Variants in PCDHGA5 observed in about 807,000 individuals in gnomAD.
The protein encoded by PCDHGA5 is protocadherin gamma-A5.
In PCDHGA5, 36 loss-of-function variants were observed where a neutral mutation model predicts 56.7. The ratio of observed to expected loss-of-function variants is 0.64; its 90% CI spans 0.49 to 0.84. The LOEUF (loss-of-function observed/expected upper bound fraction) is 0.84, where lower values mean the gene tolerates loss of function less well. Ranked by LOEUF, PCDHGA5 falls within the 40% of genes least tolerant of loss-of-function variation. The pLI, the probability that PCDHGA5 is intolerant of heterozygous loss-of-function variation, is 0.00. For synonymous variants in PCDHGA5, 563 were observed against 520.2 expected (o/e 1.08, Z -1.12); for missense variants, 1,305 against 1,201.5 (o/e 1.09, Z -1.27).
At chr5:141,415,772 T>TTTTTTTTG in intron 1 of PCDHGA5, 1 of 1,332,986 alleles carries the variant, frequency 7.5e-7, no homozygotes. Context: ...TTTTTTTTTT[T>TTTTTTTTG]ACTTTCTGGT....
rs2099883868 is a variant in PCDHGA5 at position 141,511,590 on chromosome 5, A to G, written c.*417A>G. On this transcript the variant is annotated 3_prime_UTR_variant, in exon 4 of 4. Transcript: ENST00000518069. The stretch of plus-strand genomic sequence containing the variant: ...AGTAAGGTGGTTGGGGTGTTGAAGT[A>G]CCAAGTAACCTACAAGCCTCCTAGT... 3.7e-6 allele frequency: 1 copy of G among 267,908 alleles called. No individual in the cohort carries two copies. The highest frequency in any genetic ancestry group is 7.4e-6 in the Non-Finnish European group (1 of 135,038). 16.6% of individuals were successfully genotyped at this position (267,908 alleles called of 1,614,324 possible). A position where few individuals can be genotyped will look rare whatever the true frequency, so the allele number is the denominator to read the frequency against.
intron 1 of PCDHGA5, chr5:141,404,626 T>C (rs1443011566): frequency 1.2e-6 from 2 of 1,614,164 alleles, no homozygotes; most frequent in Admixed American, 3.3e-5. Flanking sequence ...AGAATGACAA[T>C]GCCCCAGAAA....
intron 1 of PCDHGA5, among the ~76,000 whole-genome samples, chr5:141,369,837 A>G (rs1029246557): frequency 2.6e-5 from 4 of 152,164 alleles, no homozygotes; most frequent in Non-Finnish European, 5.9e-5. Flanking sequence ...ATGATTTTCT[A>G]TGTATTATTT....
At position 141,372,541 on chromosome 5, in the gene PCDHGA5, G is replaced by C. The variant is rs376822583; in HGVS notation, c.2421+5790G>C. Reference sequence around the variant, plus strand: ...ATTCTGGCAATCTCCCTGCGCCTGCGATGCTCCTCCAGACCCGCCACTGAG... The same window carrying C: ...ATTCTGGCAATCTCCCTGCGCCTGCCATGCTCCTCCAGACCCGCCACTGAG... On this transcript the variant is annotated intron_variant, in intron 1 of 3. Transcript: ENST00000518069. 2.5e-6 allele frequency: 4 copies of C among 1,613,980 alleles called. No individual in the cohort carries two copies. The South Asian group carries it at 4.4e-5, about 18-fold the overall frequency.
chr5:141,383,458 G>A, intron 1 of PCDHGA5: 1 of 1,613,878 alleles, frequency 6.2e-7, no homozygotes, highest in African/African-American at 1.3e-5. Context: ...AAGTGGAGAC[G>A]ATGAAACTAA....
rs1451071413 is a variant in PCDHGA5, at chr5:141,415,742, T to G, written c.2421+48991T>G. 19 of 216,608 alleles carry G rather than the reference T, an allele frequency of 8.8e-5. 1 individual carries two copies. In the Admixed American group the frequency reaches 4.5e-3, roughly 51 times the overall value. 13.4% of individuals were successfully genotyped at this position (216,608 alleles called of 1,614,324 possible). ...AGTAGAATTTGATGTTTATTAAGGT[T>G]TTTTTTTTTTTTTTTTTTTTTTTTT... On this transcript the variant is annotated intron_variant, in intron 1 of 3. Transcript: ENST00000518069.
intron 1 of PCDHGA5, chr5:141,372,091 C>T (rs767361394): frequency 1.2e-6 from 2 of 1,613,774 alleles, no homozygotes; most frequent in South Asian, 2.2e-5. Flanking sequence ...CTGTACCCAG[C>T]TCTGGGGCCC....
chr5:141,456,578 C>G (rs959608396), intron 1 of PCDHGA5, among the ~76,000 whole-genome samples: 10 of 152,182 alleles, frequency 6.6e-5, no homozygotes, highest in African/African-American at 1.7e-4. Flanking sequence ...TTTCCCTGAG[C>G]CTGTCAATAA....
chr5:141,388,520 G>T, intron 1 of PCDHGA5: 1 of 1,613,822 alleles, frequency 6.2e-7, no homozygotes, highest in Admixed American at 1.7e-5. Flanking sequence ...ACTTGACTTT[G>T]ACTGCCTTGG....
chr5:141,427,664 C>T (rs760682962), intron 1 of PCDHGA5: 11 of 775,778 alleles, frequency 1.4e-5, no homozygotes, highest in East Asian at 1.0e-4. Context: ...TCCACGTGGC[C>T]GAAAACAACC....
intron 1 of PCDHGA5, chr5:141,423,665 G>A: frequency 6.6e-7 from 1 of 1,512,226 alleles, no homozygotes; most frequent in Non-Finnish European, 8.9e-7. Flanking sequence ...AATCAGGTGA[G>A]ATTTATTTCT....
Position 141,508,665 on chromosome 5 carries a change from C to T in PCDHGA5, c.2570-2282C>T, listed in dbSNP as rs181641281. ...CGTCAGGCCCTTCCTGTCATTCTGT[C>T]TCTGCCTCCCTTCTCCCTGCTTCTC... On this transcript the variant is annotated intron_variant, in intron 3 of 3. Coordinates refer to ENST00000518069, the MANE Select transcript of PCDHGA5 (RefSeq NM_018918.3). Among the ~76,000 whole-genome samples the T allele has an allele frequency of 3.7e-3, 564 of 152,254 alleles. 5 individuals carry two copies. Among genetic ancestry groups the T allele is most frequent in the Admixed American group, 0.011 (164 of 15,296 alleles).
Position 141,511,303 on chromosome 5 carries a change from C to T in PCDHGA5, c.*130C>T, listed in dbSNP as rs2099883709. 2.7e-6 allele frequency: 4 copies of T among 1,490,160 alleles called. No homozygotes were observed. Among genetic ancestry groups the T allele is most frequent in the Non-Finnish European group, 3.6e-6 (4 of 1,116,196 alleles). 92.3% of individuals were successfully genotyped at this position (1,490,160 alleles called of 1,614,324 possible). ...CTGGTAGGGGCCAAGGCCATGCTCC[C>T]CTTGGGAAACAGAAACAAGTGCCCA... On this transcript the variant is annotated 3_prime_UTR_variant, in exon 4 of 4. Coordinates refer to ENST00000518069, the MANE Select transcript of PCDHGA5 (RefSeq NM_018918.3).
At chr5:141,504,643 G>A (rs1049421626) in intron 2 of PCDHGA5, among the ~76,000 whole-genome samples, 3 of 124,276 alleles carry the variant, frequency 2.4e-5, no homozygotes, top group African/African-American at 9.0e-5. Flanking sequence ...AAGGTTTGAT[G>A]ATAGAGTGTT....
At chr5:141,389,903 C>T in intron 1 of PCDHGA5, 1 of 1,614,092 alleles carries the variant, frequency 6.2e-7, no homozygotes, top group Non-Finnish European at 8.5e-7. Context: ...TGCCGGATAT[C>T]ACTGACCGCC....
intron 1 of PCDHGA5, chr5:141,422,767 G>T: frequency 6.2e-7 from 1 of 1,613,786 alleles, no homozygotes; most frequent in Non-Finnish European, 8.5e-7. Context: ...CAACACTGGT[G>T]TTCTCTATGC....
rs201391904 is a variant in PCDHGA5, at chr5:141,494,843, G to A, written c.2458G>A (p.Ala820Thr). Residue 820 changes from alanine to threonine, a missense_variant, in exon 2 of 4, where the codon GCC becomes ACC. Transcript: ENST00000518069. ...PPNTDWRFSQ[A>T]QRPGTSGSQN... is the part of the protein sequence containing the mutation. ...CAACACGGACTGGCGTTTCTCTCAG[G>A]CCCAGAGACCCGGCACCAGCGGGTA... 1.9e-6 allele frequency: 3 copies of A among 1,614,088 alleles called. No homozygotes were observed. Among genetic ancestry groups the A allele is most frequent in the Admixed American group, 3.3e-5 (2 of 60,008 alleles).
chr5:141,422,838 C>T (rs201218542), intron 1 of PCDHGA5: 182 of 1,614,252 alleles, frequency 1.1e-4, no homozygotes, highest in Middle Eastern at 1.6e-4. Context: ...TAGCACGTGA[C>T]AGCGGGGACC....
chr5:141,364,730 C>A lies in PCDHGA5; in HGVS notation c.400C>A (p.Arg134=). The change falls in exon 1 of 4, where the codon CGG becomes AGG. Residue 134 remains arginine (R), a synonymous_variant. Transcript: ENST00000518069. ...IDINDNFPRF[R]DEELKVKVNE... ...TATTAATGATAACTTCCCGCGTTTC[C>A]GGGATGAAGAGTTAAAAGTAAAAGT... is the stretch of plus-strand genomic sequence containing the variant. 3 of 1,613,838 alleles carry A rather than the reference C, an allele frequency of 1.9e-6. No individual in the cohort carries two copies. Among genetic ancestry groups the A allele is most frequent in the South Asian group, 1.1e-5 (1 of 91,074 alleles).
Sources: allele counts gnomAD v4.1 joint callset (sites outside exome capture counted in the v4.1 genomes callset), GRCh38; gene constraint gnomAD v4.1.1; transcripts MANE v1.5; gene names NCBI Gene and HGNC (gene_info 2026-07-23, HGNC 2026-07-21).